Variants in PARP9 observed in about 807,000 individuals in gnomAD.
PARP9 encodes poly(ADP-ribose) polymerase family member 9.
PARP9 carries 48 observed loss-of-function variants against 68.8 expected under a neutral mutation model. The ratio of observed to expected loss-of-function variants is 0.70; its 90% CI spans 0.55 to 0.89. PARP9 has a LOEUF of 0.89. Ranked by LOEUF, PARP9 falls within the 40% of genes least tolerant of loss-of-function variation. The probability of loss-of-function intolerance (pLI) is 0.00; values close to 1 mark genes in which losing one functional copy is unlikely to be tolerated. For synonymous variants in PARP9, 309 were observed against 333.8 expected, an observed-to-expected ratio of 0.93 and a Z score of 0.81; for missense variants, 806 against 969.3, an observed-to-expected ratio of 0.83 and a Z score of 2.24.
At position 122,556,000 on chromosome 3, in the gene PARP9, G is replaced by C; in HGVS notation, c.171C>G (p.Ile57Met). 1 of 1,614,014 alleles carries C rather than the reference G, an allele frequency of 6.2e-7. No individual in the cohort carries two copies. Among genetic ancestry groups the C allele is most frequent in the South Asian group, 1.1e-5 (1 of 91,076 alleles). ...CCTGAACTGGAGAGACCAGGGTAGA[G>C]ATACAGCCAAACTTATTCTGGAGGA... ...CEVLQNKFGC[I>M]STLVSPVQEG... Residue 57 changes from isoleucine (I) to methionine (M), a missense_variant, in exon 4 of 11, where the codon ATC (isoleucine) becomes ATG (methionine). By Grantham distance (10) the Ile-to-Met change is conservative. Transcript: ENST00000682323.
chr3:122,537,035 T>C lies in PARP9; in HGVS notation c.1804A>G (p.Met602Val). ...TTCAGAAATATGATATTTTCTTTCA[T>C]TTCGTCTTGGGTTTTTTGTTGCTGA... The part of the protein sequence containing the change: ...TIQQQKTQDE[M>V]KENIIFLKCP... Residue 602 changes from methionine (M) to valine (V), a missense_variant, in exon 9 of 11, where the codon ATG becomes GTG. Around this residue, in one of 2 missense-constraint regions of PARP9, gnomAD observed 680 missense variants for 858.8 expected, o/e 0.79. Transcript: ENST00000682323. The C allele has an allele frequency of 6.2e-7, 1 of 1,613,844 alleles. No homozygotes were observed. Among genetic ancestry groups the C allele is most frequent in the Non-Finnish European group, 8.5e-7 (1 of 1,179,790 alleles).
At chr3:122,544,609 G>A (rs1559836550) in intron 7 of PARP9, among the ~76,000 whole-genome samples, 1 of 151,884 alleles carries the variant, frequency 6.6e-6, no homozygotes, top group Non-Finnish European at 1.5e-5. Flanking sequence ...TTGAGCCCAG[G>A]AGTTTAAGAC....
chr3:122,560,336 C>T (rs1024143571), intron 1 of PARP9, among the ~76,000 whole-genome samples: 2 of 152,060 alleles, frequency 1.3e-5, no homozygotes, highest in Non-Finnish European at 2.9e-5. Flanking sequence ...GATACAGTTG[C>T]CCACACTTGT....
At chr3:122,536,537 C>G in intron 9 of PARP9, 195 bp from the exon 10 acceptor site, 1 of 1,034,226 alleles carries the variant, frequency 9.7e-7, no homozygotes, top group Non-Finnish European at 1.3e-6. Flanking sequence ...TTCAAAATTC[C>G]CTGCCCCTTC....
intron 6 of PARP9, among the ~76,000 whole-genome samples, chr3:122,546,496 A>G (rs2078709595): frequency 6.6e-6 from 1 of 152,242 alleles, no homozygotes; most frequent in South Asian, 2.1e-4. Context: ...CTAAGCTATA[A>G]TGTTTGGTAG....
chr3:122,548,533 G>T (rs1254684837), intron 6 of PARP9, among the ~76,000 whole-genome samples: 1 of 152,184 alleles, frequency 6.6e-6, no homozygotes, highest in Non-Finnish European at 1.5e-5. Context: ...CATCATTAAA[G>T]TCTTTCTCGA....
intron 6 of PARP9, among the ~76,000 whole-genome samples, chr3:122,547,622 G>A (rs1415826254): frequency 1.3e-5 from 2 of 152,052 alleles, no homozygotes. Context: ...GGAGGCTGAG[G>A]TGGGAGGATT....
chr3:122,549,721 C>T (rs1451152549), intron 6 of PARP9, among the ~76,000 whole-genome samples: 1 of 151,820 alleles, frequency 6.6e-6, no homozygotes, highest in African/African-American at 2.4e-5. Context: ...TTCAAGACTG[C>T]AGTGAGCTAT....
At chr3:122,529,648 G>A (rs915328668) in intron 10 of PARP9, among the ~76,000 whole-genome samples, 5 of 151,892 alleles carry the variant, frequency 3.3e-5, no homozygotes, top group African/African-American at 7.3e-5. Context: ...CAGCTACTCC[G>A]GGGGCTGAGG....
Position 122,552,583 on chromosome 3 carries a change from T to C in PARP9, c.942A>G (p.Ala314=). The C allele has an allele frequency of 6.2e-7, 1 of 1,614,118 alleles. No homozygotes were observed. Among genetic ancestry groups the C allele is most frequent in the Non-Finnish European group, 8.5e-7 (1 of 1,179,992 alleles). ...CTCCTGCTTGTTGTAGAATTGACTT[T>C]GCCACAGGTCCAACTGTAATATCAT... The part of the protein sequence containing the change: ...NPHDITVGPV[A]KSILQQAGVE... Residue 314 remains alanine (A), a synonymous_variant, in exon 5 of 11, where the codon GCA becomes GCG. Transcript: ENST00000682323.
intron 1 of PARP9, among the ~76,000 whole-genome samples, chr3:122,560,233 A>G (rs540137907): frequency 1.8e-4 from 28 of 152,320 alleles, no homozygotes; most frequent in African/African-American, 6.0e-4. Flanking sequence ...AAGTCAGAAA[A>G]TCTGGGAAAA....
At chr3:122,557,496 T>G (rs1163290923) in intron 3 of PARP9, among the ~76,000 whole-genome samples, 1 of 152,216 alleles carries the variant, frequency 6.6e-6, no homozygotes, top group African/African-American at 2.4e-5. Flanking sequence ...GAAATACAGT[T>G]AGCTGACAGC....
intron 7 of PARP9, among the ~76,000 whole-genome samples, chr3:122,542,483 T>G (rs1458441609): frequency 1.3e-5 from 2 of 151,988 alleles, no homozygotes; most frequent in Non-Finnish European, 2.9e-5. Context: ...CTTGGCTCAC[T>G]GCAAGCTCCG....
chr3:122,542,904 G>A (rs2078366439), intron 7 of PARP9, among the ~76,000 whole-genome samples: 1 of 152,028 alleles, frequency 6.6e-6, no homozygotes, highest in Middle Eastern at 3.2e-3. Context: ...TTTTAACTCT[G>A]AGTTATCTAT....
chr3:122,552,501 A>G lies in PARP9; in HGVS notation c.1024T>C (p.Leu342=), dbSNP rs143390742. 32 of 1,614,020 alleles carry G rather than the reference A, an allele frequency of 2.0e-5. No individual in the cohort carries two copies. The African/African-American group carries it at 4.1e-4, about 21-fold the overall frequency. ...TKAKQFQRSQ[L]VLVTKGFNLF... is the part of the protein sequence containing the mutation. ...TTAAATCCTTTTGTGACCAGTACCAACTGGGACCGTTGAAACTGTTTAGCC... is the reference window on the plus strand; with the variant it reads ...TTAAATCCTTTTGTGACCAGTACCAGCTGGGACCGTTGAAACTGTTTAGCC... The change falls in exon 5 of 11, where the codon TTG becomes CTG. Residue 342 remains leucine, a synonymous_variant. Coordinates refer to ENST00000682323, the MANE Select transcript of PARP9 (RefSeq NM_001146105.2).
chr3:122,548,053 A>G (rs998528522), intron 6 of PARP9, among the ~76,000 whole-genome samples: 1 of 152,286 alleles, frequency 6.6e-6, no homozygotes, highest in Admixed American at 6.5e-5. Context: ...GCAGTGGGAT[A>G]CTGGAGCTGG....
At chr3:122,541,545 C>T (rs1428658215) in intron 7 of PARP9, among the ~76,000 whole-genome samples, 1 of 152,150 alleles carries the variant, frequency 6.6e-6, no homozygotes, top group African/African-American at 2.4e-5. Flanking sequence ...CTGAAAGACA[C>T]AGAGCTTGAA....
At position 122,540,823 on chromosome 3, in the gene PARP9, C is replaced by T. The variant is rs764300255; in HGVS notation, c.1414G>A (p.Glu472Lys). The T allele has an allele frequency of 7.4e-6, 12 of 1,613,762 alleles. No homozygotes were observed. The highest frequency in any genetic ancestry group is 1.0e-5 in the Non-Finnish European group (12 of 1,179,856). ...GGAGATCTAGCTTCAAGCCCATTTTCTCTTTTCTCCTCTCTGGTTGACTGG... is the reference window on the plus strand; with the variant it reads ...GGAGATCTAGCTTCAAGCCCATTTTTTCTTTTCTCCTCTCTGGTTGACTGG... Reference protein sequence around the residue: ...VPQSTREEKRENGLEARSPAI... With the variant: ...VPQSTREEKRKNGLEARSPAI... The change falls in exon 8 of 11, where the codon GAA becomes AAA. Residue 472 changes from glutamate to lysine, a missense_variant. By Grantham distance (56) the Glu-to-Lys change is moderately conservative. Around this residue, in one of 2 missense-constraint regions of PARP9, gnomAD observed 680 missense variants for 858.8 expected, o/e 0.79. Coordinates refer to ENST00000682323, the MANE Select transcript of PARP9 (RefSeq NM_001146105.2).
chr3:122,550,635 G>T lies in PARP9; in HGVS notation c.1275C>A (p.His425Gln), dbSNP rs770486854. Residue 425 changes from histidine (H) to glutamine (Q), a missense_variant, in exon 6 of 11, where the codon CAC (histidine) becomes CAA (glutamine). By Grantham distance (24) the His-to-Gln change is conservative (BLOSUM62 0). This residue lies in a region of PARP9 where 680 missense variants were observed against 858.8 expected (regional missense o/e 0.79). Transcript: ENST00000682323. ...AGATCACAAATTTTACAGTTAACTGGTGTTTTACATGGTCTTTGGCAAATG... is the reference window on the plus strand; with the variant it reads ...AGATCACAAATTTTACAGTTAACTGTTGTTTTACATGGTCTTTGGCAAATG... ...VLTFAKDHVK[H>Q]QLTVKFVIFP... 6.2e-7 allele frequency: 1 copy of T among 1,613,754 alleles called. No homozygotes were observed. Among genetic ancestry groups the T allele is most frequent in the Non-Finnish European group, 8.5e-7 (1 of 1,179,978 alleles).
Sources: gnomAD v4.1 joint callset for allele counts (sites outside exome capture counted in the v4.1 genomes callset) on GRCh38, gnomAD v4.1.1 for gene constraint, gnomAD v4.1.1 regional missense constraint, MANE v1.5 for transcripts, NCBI Gene and HGNC (gene_info 2026-07-23, HGNC 2026-07-21) for gene names.